Variants in SCFD1 observed in about 807,000 individuals in gnomAD.
SCFD1 encodes sec1 family domain containing 1, also known as sec1 family domain-containing protein 1.
Under a neutral mutation model 103.2 loss-of-function variants are expected in SCFD1, and 37 were observed. The observed-to-expected ratio is 0.36, with a 90% confidence interval of 0.28 to 0.47. SCFD1 has a LOEUF of 0.47. Ranked by LOEUF, SCFD1 falls within the 20% of genes least tolerant of loss-of-function variation. SCFD1 has a pLI of 1.00. For missense variants in SCFD1, 639 were observed against 761.2 expected, an observed-to-expected ratio of 0.84 and a Z score of 1.89; for synonymous variants, 264 against 245.0, an observed-to-expected ratio of 1.08 and a Z score of -0.73.
At position 30,622,356 on chromosome 14, in the gene SCFD1, A is replaced by T. The variant is rs1245001162; in HGVS notation, c.18A>T (p.Ala6=). Residue 6 remains alanine, a synonymous_variant, in exon 1 of 25, where the codon GCA becomes GCT. Transcript: ENST00000458591. MAAAA[A]ATAAAAASIR... is the part of the protein sequence containing the mutation. ...GAGCCAAGATGGCGGCGGCGGCGGC[A>T]GCGACAGCAGCAGCAGCAGCCAGTA... The T allele has an allele frequency of 6.4e-7, 1 of 1,566,284 alleles. No individual in the cohort carries two copies.
intron 2 of SCFD1, 22 bp downstream of exon 2, chr14:30,628,301 A>ATAATGATTTCTT: frequency 6.5e-7 from 1 of 1,527,212 alleles, no homozygotes; most frequent in Non-Finnish European, 9.0e-7. Context: ...TCTTAATGGG[A>ATAATGATTTCTT]ACTGATTTCT....
intron 3 of SCFD1, among the ~76,000 whole-genome samples, chr14:30,632,695 A>G (rs1884303880): frequency 6.6e-6 from 1 of 152,298 alleles, no homozygotes; most frequent in South Asian, 2.1e-4. Context: ...TAATGGAAGG[A>G]CTGAAGTTTA....
intron 21 of SCFD1, among the ~76,000 whole-genome samples, chr14:30,720,365 AACTCTGT>A (rs1892570578): frequency 6.6e-6 from 1 of 152,152 alleles, no homozygotes; most frequent in Non-Finnish European, 1.5e-5. Context: ...ATGGTTGTAC[AACTCTGT>A]AAATATACTA....
rs180680795 is a variant in SCFD1 at position 30,694,973 on chromosome 14, A to G, written c.1339+104A>G. 235 of 1,495,126 alleles carry G rather than the reference A, an allele frequency of 1.6e-4. No homozygotes were observed. The East Asian group carries it at 1.9e-3, about 12-fold the overall frequency. 92.6% of individuals were successfully genotyped at this position (1,495,126 alleles called of 1,614,324 possible). A position where few individuals can be genotyped will look rare whatever the true frequency, so the allele number is the denominator to read the frequency against. ...AGAATTGTTGTTTTTCTGACAGTCA[A>G]TGCTAATATCAAGATAATTAAATGA... On this transcript the variant is annotated intron_variant, in intron 15 of 24. Transcript: ENST00000458591.
chr14:30,666,781 C>CA (rs998522345), intron 10 of SCFD1, among the ~76,000 whole-genome samples: 1 of 152,166 alleles, frequency 6.6e-6, no homozygotes, highest in African/African-American at 2.4e-5. Context: ...CACCTCTATG[C>CA]AAATAAACTA....
chr14:30,701,577 C>T (rs1594729913), intron 16 of SCFD1, among the ~76,000 whole-genome samples: 2 of 152,170 alleles, frequency 1.3e-5, no homozygotes, highest in South Asian at 4.2e-4. Context: ...TCTCTCTCAT[C>T]AACAGGGGTT....
chr14:30,712,664 A>G (rs1267538412), intron 19 of SCFD1, among the ~76,000 whole-genome samples: 1 of 152,170 alleles, frequency 6.6e-6, no homozygotes, highest in Non-Finnish European at 1.5e-5. Context: ...ATTTCTCACT[A>G]TATTTTTTTC....
intron 6 of SCFD1, among the ~76,000 whole-genome samples, chr14:30,642,098 G>A (rs560792324): frequency 5.9e-5 from 9 of 151,842 alleles, no homozygotes; most frequent in Non-Finnish European, 7.4e-5. Flanking sequence ...TTGTTCCCCC[G>A]CCACCCCGAG....
chr14:30,643,850 A>AG, intron 7 of SCFD1: 1 of 426,050 alleles, frequency 2.3e-6, no homozygotes, highest in South Asian at 1.8e-5. Context: ...TTTATTTTTA[A>AG]TTTTTTTTTA....
At chr14:30,628,608 A>G (rs1273271416) in intron 2 of SCFD1, among the ~76,000 whole-genome samples, 1 of 152,194 alleles carries the variant, frequency 6.6e-6, no homozygotes, top group Non-Finnish European at 1.5e-5. Flanking sequence ...GGAGTTAGTC[A>G]CATTCAGAGG....
intron 14 of SCFD1, among the ~76,000 whole-genome samples, chr14:30,680,737 A>C (rs1298378719): frequency 6.6e-6 from 1 of 152,146 alleles, no homozygotes; most frequent in Non-Finnish European, 1.5e-5. Flanking sequence ...AGTCCAGTTG[A>C]CCAACATAGC....
intron 14 of SCFD1, chr14:30,683,307 G>C: frequency 1.4e-6 from 1 of 734,428 alleles, no homozygotes; most frequent in Non-Finnish European, 2.2e-6. Context: ...AGGGTGTGAG[G>C]AATTTCACCT....
chr14:30,719,063 A>G (rs1016634789), intron 20 of SCFD1, among the ~76,000 whole-genome samples: 2 of 152,218 alleles, frequency 1.3e-5, no homozygotes, highest in African/African-American at 2.4e-5. Context: ...GAAAAGTTAC[A>G]TAACTTTTCT....
chr14:30,673,820 A>G (rs555580734), intron 12 of SCFD1, 104 bp from the exon 13 acceptor site: 190 of 776,338 alleles, frequency 2.4e-4, no homozygotes, highest in Non-Finnish European at 4.1e-4. Flanking sequence ...ATCTTACGGT[A>G]TATCAATAAT....
intron 9 of SCFD1, among the ~76,000 whole-genome samples, chr14:30,652,093 G>T (rs1019474478): frequency 6.6e-6 from 1 of 152,130 alleles, no homozygotes; most frequent in Non-Finnish European, 1.5e-5. Context: ...GATCGCAAGG[G>T]TGCCACTCTG....
chr14:30,634,885 A>G (rs533853774), intron 4 of SCFD1: 3 of 455,932 alleles, frequency 6.6e-6, no homozygotes, highest in Non-Finnish European at 1.3e-5. Context: ...AAGCCTTTCC[A>G]GAAACTCCCA....
chr14:30,622,445 C>T, intron 1 of SCFD1, 46 bp downstream of exon 1: 3 of 1,547,818 alleles, frequency 1.9e-6, no homozygotes, highest in Non-Finnish European at 2.6e-6. Context: ...ACTGCCCCGA[C>T]GACATCCTTC....
chr14:30,709,809 A>T (rs1891738006), intron 19 of SCFD1, among the ~76,000 whole-genome samples: 1 of 152,202 alleles, frequency 6.6e-6, no homozygotes, highest in East Asian at 1.9e-4. Context: ...AAGGGGGACC[A>T]CCAACTTCTA....
At position 30,732,019 on chromosome 14, in the gene SCFD1, A is replaced by T. The variant is rs1201266261; in HGVS notation, c.1837-2771A>T. ...CATAAATAGCTCTTATTATTTTGAGATACGTCCCATCAATACCTAATTCAT... is the reference window on the plus strand; with the variant it reads ...CATAAATAGCTCTTATTATTTTGAGTTACGTCCCATCAATACCTAATTCAT... On this transcript the variant is annotated intron_variant, in intron 23 of 24. Transcript: ENST00000458591. 3.9e-5 allele frequency among the ~76,000 whole-genome samples: 6 copies of T among 152,164 alleles called. No homozygotes were observed. In the South Asian group the frequency reaches 1.2e-3, roughly 32 times the overall value.
Sources: allele counts gnomAD v4.1 joint callset (sites outside exome capture counted in the v4.1 genomes callset), GRCh38; gene constraint gnomAD v4.1.1; transcripts MANE v1.5; gene names NCBI Gene and HGNC (gene_info 2026-07-23, HGNC 2026-07-21).